The following SLC14A2 variants were observed in gnomAD, a reference collection of about 807,000 sequenced individuals.
SLC14A2 encodes the protein urea transporter 2.
Under a neutral mutation model 104.6 loss-of-function variants are expected in SLC14A2, and 91 were observed. That is an observed-to-expected ratio of 0.87 (90% confidence interval 0.73 to 1.04). The LOEUF is 1.04. Ranked by LOEUF, SLC14A2 falls within the 50% of genes least tolerant of loss-of-function variation. SLC14A2 has a pLI of 0.00. For synonymous variants in SLC14A2, 476 were observed against 466.4 expected (o/e 1.02, Z -0.27); for missense variants, 1,189 against 1,156.0 (o/e 1.03, Z -0.41).
intron 2 of SLC14A2, among the ~76,000 whole-genome samples, chr18:45,558,609 G>T (rs1319285451): frequency 6.6e-6 from 1 of 151,338 alleles, no homozygotes; most frequent in African/African-American, 2.4e-5. Flanking sequence ...TAGTCTCACT[G>T]GGGTGGATTA....
intron 1 of SLC14A2, among the ~76,000 whole-genome samples, chr18:45,297,369 C>G (rs2084926842): frequency 6.6e-6 from 1 of 152,198 alleles, no homozygotes; most frequent in Non-Finnish European, 1.5e-5. Context: ...CAAATCAGGC[C>G]AGATTTGGTT....
chr18:45,672,672 T>TAAATAAAGGAA (rs1402444041), intron 16 of SLC14A2, among the ~76,000 whole-genome samples: 2 of 152,240 alleles, frequency 1.3e-5, no homozygotes, highest in Non-Finnish European at 2.9e-5. Flanking sequence ...CTCATATTTC[T>TAAATAAAGGAA]AAATAAAGGA....
the SLC14A2 span, among the ~76,000 whole-genome samples, chr18:45,206,113 AC>A: frequency 1.4e-4 from 21 of 152,360 alleles, no homozygotes; most frequent in African/African-American, 5.1e-4. Context: ...GTCACTGAAA[AC>A]AGAGTTGATC....
At chr18:45,664,372 G>A (rs868296210) in intron 11 of SLC14A2, among the ~76,000 whole-genome samples, 2 of 152,228 alleles carry the variant, frequency 1.3e-5, no homozygotes, top group African/African-American at 4.8e-5. Context: ...GCTGCCAAAG[G>A]CCAGGAAGAG....
chr18:45,491,403 A>G (rs1355997256), intron 2 of SLC14A2, among the ~76,000 whole-genome samples: 1 of 152,252 alleles, frequency 6.6e-6, no homozygotes, highest in Non-Finnish European at 1.5e-5. Flanking sequence ...GGATTCAGAC[A>G]TATGCATAAT....
chr18:45,646,822 G>A (rs902889699), intron 10 of SLC14A2: 1 of 152,138 alleles, frequency 6.6e-6, no homozygotes, highest in Non-Finnish European at 1.5e-5. Flanking sequence ...ACCAACATGA[G>A]GTTGCATGGG....
rs142346861 is a variant in SLC14A2 at position 45,667,073 on chromosome 18, G to T, written c.1696G>T (p.Glu566Ter). Reference sequence around the variant, plus strand: ...CAGCTACATCACAGGAGAGATGAAGGAGTGTGGAGAGGGACTTAAAGGTAA... The same window carrying T: ...CAGCTACATCACAGGAGAGATGAAGTAGTGTGGAGAGGGACTTAAAGGTAA... The part of the protein sequence containing the change: ...ALSYITGEMK[E>*]CGEGLKDKSP... The change falls in exon 13 of 20, where the codon GAG becomes TAG. Residue 566 changes from glutamate (E) to a stop codon, truncating the protein, a stop_gained. Coordinates refer to ENST00000255226, the MANE Select transcript of SLC14A2 (RefSeq NM_007163.4). LOFTEE classifies it high-confidence loss of function. The T allele has an allele frequency of 3.1e-5, 50 of 1,613,708 alleles. No homozygotes were observed. The African/African-American group carries it at 4.4e-4, about 14-fold the overall frequency.
chr18:45,459,774 G>A (rs768684356), intron 1 of SLC14A2, among the ~76,000 whole-genome samples: 18 of 152,294 alleles, frequency 1.2e-4, no homozygotes, highest in East Asian at 3.9e-4. Flanking sequence ...TTGTGGCTTC[G>A]ATCATGCCTT....
intron 1 of SLC14A2, among the ~76,000 whole-genome samples, chr18:45,353,670 T>C (rs1015520530): frequency 6.6e-6 from 1 of 152,144 alleles, no homozygotes; most frequent in African/African-American, 2.4e-5. Flanking sequence ...ACAATAAGAA[T>C]GCATACTAAG....
rs34188378 is a variant in SLC14A2 at position 45,445,106 on chromosome 18, C to CTTTT, written c.-124-38107_-124-38104dup. On this transcript the variant is annotated intron_variant, in intron 1 of 20. Transcript: ENST00000586448. ...TAACTCTTTGTGGCAAATTGACATG[C>CTTTT]TTTTTTTTTTTTTTTTTTTTTTTAA... 2.5e-3 allele frequency among the ~76,000 whole-genome samples: 241 copies of CTTTT among 94,682 alleles called. 5 individuals carry two copies. Among genetic ancestry groups the CTTTT allele is most frequent in the East Asian group, 3.9e-3 (12 of 3,094 alleles). The allele number at this position is 94,682 out of a possible 152,430, so 62.1% of individuals were successfully genotyped here.
chr18:45,682,455 T>A lies in SLC14A2; in HGVS notation c.2699T>A (p.Leu900Gln). The A allele has an allele frequency of 6.2e-7, 1 of 1,614,176 alleles. No individual in the cohort carries two copies. ...TYPEANRIYY[L>Q]SQERNRRASI... ...CCAGAGGCCAACCGCATCTACTACC[T>A]GTCCCAGGAGAGAAACAGAAGGGCA... Residue 900 changes from leucine to glutamine, a missense_variant, in exon 20 of 20, where the codon CTG becomes CAG. Transcript: ENST00000255226.
At chr18:45,267,642 C>T (rs769483459) in intron 1 of SLC14A2, among the ~76,000 whole-genome samples, 1 of 152,130 alleles carries the variant, frequency 6.6e-6, no homozygotes, top group African/African-American at 2.4e-5. Flanking sequence ...GAACATCAGA[C>T]CTGTTGTTTC....
At chr18:45,627,246 CAA>C (rs1189632208) in intron 4 of SLC14A2, 99 bp downstream of exon 4, 5 of 1,072,692 alleles carry the variant, frequency 4.7e-6, no homozygotes, top group African/African-American at 1.6e-5. Flanking sequence ...CCCAGCCAGC[CAA>C]AGTCTCCTGA....
chr18:45,666,020 GT>G, intron 11 of SLC14A2, 116 bp from the exon 12 acceptor site: 1 of 697,784 alleles, frequency 1.4e-6, no homozygotes, highest in East Asian at 2.6e-5. Flanking sequence ...TGCTTCCTCA[GT>G]AGGAACAGGA....
intron 4 of SLC14A2, among the ~76,000 whole-genome samples, chr18:45,629,938 C>T (rs2045319189): frequency 6.6e-6 from 1 of 152,234 alleles, no homozygotes; most frequent in South Asian, 2.1e-4. Context: ...TGATCCCTGA[C>T]ACCAGCTGTA....
chr18:45,293,877 G>A (rs538299970), intron 1 of SLC14A2, among the ~76,000 whole-genome samples: 1 of 152,278 alleles, frequency 6.6e-6, no homozygotes, highest in African/African-American at 2.4e-5. Context: ...TTTCATATTA[G>A]TTATCTTTTA....
intron 1 of SLC14A2, among the ~76,000 whole-genome samples, chr18:45,339,756 T>TGGATTCCA (rs1214973919): frequency 1.3e-5 from 2 of 152,174 alleles, no homozygotes; most frequent in Non-Finnish European, 2.9e-5. Flanking sequence ...GGTGATGCAT[T>TGGATTCCA]GGATTCCAGG....
intron 1 of SLC14A2, among the ~76,000 whole-genome samples, chr18:45,369,178 A>G (rs1391582682): frequency 1.3e-5 from 2 of 152,180 alleles, no homozygotes; most frequent in Non-Finnish European, 2.9e-5. Flanking sequence ...TCCTCACCAT[A>G]TAAAAGGAAA....
rs192396466 is a variant in SLC14A2 at position 45,668,371 on chromosome 18, C to T, written c.1930C>T (p.His644Tyr). Residue 644 changes from histidine to tyrosine, a missense_variant, in exon 15 of 20, where the codon CAC (histidine) becomes TAC (tyrosine). By Grantham distance (83) the His-to-Tyr change is moderately conservative (BLOSUM62 2). Coordinates refer to ENST00000255226, the MANE Select transcript of SLC14A2 (RefSeq NM_007163.4). ...QDKSAIAAGF[H>Y]GYNGVLVGLL... is the part of the protein sequence containing the mutation. ...CAGGTCGGCCATCGCTGCAGGATTT[C>T]ACGGCTACAATGGGGTGCTGGTGGG... 22 of 1,614,142 alleles carry T rather than the reference C, an allele frequency of 1.4e-5. No individual in the cohort carries two copies. The East Asian group carries it at 3.3e-4, about 25-fold the overall frequency.
Sources: gnomAD v4.1 joint callset for allele counts (sites outside exome capture counted in the v4.1 genomes callset) on GRCh38, gnomAD v4.1.1 for gene constraint, MANE v1.5 for transcripts, NCBI Gene and HGNC (gene_info 2026-07-23, HGNC 2026-07-21) for gene names.